KSR2: variants seen among roughly 807,000 people sequenced by gnomAD.
KSR2 encodes the protein kinase suppressor of ras 2.
KSR2 carries 25 observed loss-of-function variants against 107.8 expected under a neutral mutation model. The observed-to-expected ratio is 0.23, with a 90% CI of 0.17 to 0.32. The LOEUF (loss-of-function observed/expected upper bound fraction) is 0.32, where lower values mean the gene tolerates loss of function less well. Ranked by LOEUF, KSR2 falls within the 10% of genes least tolerant of loss-of-function variation. The pLI is 1.00. For missense variants in KSR2, 887 were observed against 1,268.9 expected (o/e 0.70, Z 4.57); for synonymous variants, 480 against 507.0 (o/e 0.95, Z 0.71).
chr12:117,743,040 C>T (rs1450822527), intron 4 of KSR2, among the ~76,000 whole-genome samples: 2 of 152,218 alleles, frequency 1.3e-5, no homozygotes, highest in South Asian at 2.1e-4. Context: ...AGGGTCCCAT[C>T]ACAGATGACC....
At chr12:117,611,930 A>G (rs1881627096) in intron 5 of KSR2, among the ~76,000 whole-genome samples, 1 of 152,232 alleles carries the variant, frequency 6.6e-6, no homozygotes, top group Non-Finnish European at 1.5e-5. Flanking sequence ...TCATAGAGAC[A>G]GAAAGTCAAA....
intron 5 of KSR2, among the ~76,000 whole-genome samples, chr12:117,619,746 A>G (rs886558054): frequency 6.6e-6 from 1 of 151,704 alleles, no homozygotes; most frequent in African/African-American, 2.4e-5. Context: ...AGGCCAATTA[A>G]TCATCTCATG....
chr12:117,843,929 C>CTT (rs58326707), intron 3 of KSR2, among the ~76,000 whole-genome samples: 3,895 of 127,474 alleles, frequency 0.031, 74 homozygotes, highest in African/African-American at 0.051. Context: ...TTAAGCTTCC[C>CTT]TTTTTTTTTT....
At chr12:117,947,258 A>AAAGAAAGAAAGAAAGAC (rs1566094758) in intron 1 of KSR2, among the ~76,000 whole-genome samples, 3 of 72,442 alleles carry the variant, frequency 4.1e-5, no homozygotes, top group Middle Eastern at 6.7e-3. Flanking sequence ...AGAAAGAAAG[A>AAAGAAAGAAAGAAAGAC]AGATAAACCA....
intron 11 of KSR2, among the ~76,000 whole-genome samples, chr12:117,531,413 C>A (rs1875624493): frequency 6.6e-6 from 1 of 152,184 alleles, no homozygotes; most frequent in South Asian, 2.1e-4. Flanking sequence ...CCCCTCCTCA[C>A]CCTCGCCCAG....
chr12:117,623,450 G>C (rs1882301348), intron 5 of KSR2, among the ~76,000 whole-genome samples: 1 of 152,052 alleles, frequency 6.6e-6, no homozygotes, highest in East Asian at 1.9e-4. Context: ...CATTGGTCAG[G>C]TCCTGCCTAT....
chr12:117,559,395 C>A (rs1877951072), intron 7 of KSR2, among the ~76,000 whole-genome samples: 1 of 152,172 alleles, frequency 6.6e-6, no homozygotes, highest in Admixed American at 6.5e-5. Flanking sequence ...CACAATTCTT[C>A]TCATCATCTT....
chr12:117,542,097 G>C (rs1005504022), intron 9 of KSR2, among the ~76,000 whole-genome samples: 12 of 152,158 alleles, frequency 7.9e-5, no homozygotes, highest in African/African-American at 2.9e-4. Context: ...ATGTTGCCCA[G>C]GCTGGTTTCA....
chr12:117,886,911 T>C (rs1045483499), intron 1 of KSR2, among the ~76,000 whole-genome samples: 5 of 152,098 alleles, frequency 3.3e-5, no homozygotes, highest in Non-Finnish European at 7.4e-5. Context: ...AGAGAATACC[T>C]TTTCTTCTTT....
At chr12:117,731,127 C>G (rs1256712055) in intron 4 of KSR2, among the ~76,000 whole-genome samples, 5 of 151,530 alleles carry the variant, frequency 3.3e-5, no homozygotes, top group African/African-American at 4.9e-5. Flanking sequence ...GCCGCCCCGT[C>G]TGGGAGGTGA....
intron 3 of KSR2, among the ~76,000 whole-genome samples, chr12:117,789,416 C>T (rs1330485505): frequency 6.6e-6 from 1 of 152,198 alleles, no homozygotes; most frequent in Non-Finnish European, 1.5e-5. Context: ...TTCCCCCAGG[C>T]ATCCTCTGAG....
At chr12:117,626,257 T>G (rs960568831) in intron 5 of KSR2, among the ~76,000 whole-genome samples, 13 of 152,216 alleles carry the variant, frequency 8.5e-5, no homozygotes, top group Non-Finnish European at 4.4e-5. Flanking sequence ...CTTTTGAATT[T>G]GTTTACTCGT....
intron 3 of KSR2, among the ~76,000 whole-genome samples, chr12:117,832,199 A>G (rs1197846729): frequency 1.3e-5 from 2 of 152,140 alleles, no homozygotes; most frequent in African/African-American, 2.4e-5. Context: ...CAGGAGAATC[A>G]CTTGAATCCA....
chr12:117,875,779 G>T (rs1233897659), intron 1 of KSR2, among the ~76,000 whole-genome samples: 2 of 151,978 alleles, frequency 1.3e-5, no homozygotes, highest in Non-Finnish European at 2.9e-5. Context: ...CCACCATCAC[G>T]CCGCCCTGCT....
intron 5 of KSR2, among the ~76,000 whole-genome samples, chr12:117,619,036 G>A (rs1417751893): frequency 2.0e-5 from 3 of 151,990 alleles, no homozygotes; most frequent in Non-Finnish European, 4.4e-5. Context: ...ATTTCTGCAG[G>A]ACCCTAGGGG....
At position 117,547,242 on chromosome 12, in the gene KSR2, G is replaced by C. The variant is rs77583886; in HGVS notation, c.1519-7355C>G. 3.5e-3 allele frequency among the ~76,000 whole-genome samples: 539 copies of C among 152,318 alleles called. 2 individuals are homozygous for C. The highest frequency in any genetic ancestry group is 0.012 in the African/African-American group (519 of 41,560). ...TTCAGCTTCTGTTAGTCCCTGAAGA[G>C]GGAAGGAGTTCCTCATTATTGCTGG... On this transcript the variant is annotated intron_variant, in intron 9 of 19. Coordinates refer to ENST00000339824, the MANE Select transcript of KSR2 (RefSeq NM_173598.6).
chr12:117,814,929 T>A (rs1891319396), intron 3 of KSR2, among the ~76,000 whole-genome samples: 1 of 152,164 alleles, frequency 6.6e-6, no homozygotes, highest in Non-Finnish European at 1.5e-5. Context: ...AGTAAAGAGT[T>A]CTTATAAATC....
At chr12:117,481,801 G>A (rs146806761) in intron 16 of KSR2, among the ~76,000 whole-genome samples, 1 of 152,278 alleles carries the variant, frequency 6.6e-6, no homozygotes, top group African/African-American at 2.4e-5. Context: ...CCAGCCCCCA[G>A]GTTGCTGATC....
Position 117,793,180 on chromosome 12 carries a change from ACCAATGTGCACACATACACACC to A in KSR2, c.473-31678_473-31657del, listed in dbSNP as rs1264061394. On this transcript the variant is annotated intron_variant, in intron 3 of 19. Coordinates refer to ENST00000339824, the MANE Select transcript of KSR2 (RefSeq NM_173598.6). ...TGCACGCACACCAACATGTACACAC[ACCAATGTGCACACATACACACC>A]AACATGCACACACCCTCACACCAAC... Among the ~76,000 whole-genome samples, 989 of 135,820 alleles carry A rather than the reference ACCAATGTGCACACATACACACC, an allele frequency of 7.3e-3. 17 individuals are homozygous for A. Among genetic ancestry groups the A allele is most frequent in the African/African-American group, 0.027 (930 of 34,642 alleles). 89.1% of individuals were successfully genotyped at this position (135,820 alleles called of 152,430 possible).
Sources: allele counts gnomAD v4.1 joint callset (sites outside exome capture counted in the v4.1 genomes callset), GRCh38; gene constraint gnomAD v4.1.1; transcripts MANE v1.5; gene names NCBI Gene and HGNC (gene_info 2026-07-23, HGNC 2026-07-21).